The following NUP155 variants were observed in gnomAD, a reference collection of about 807,000 sequenced individuals.
The protein encoded by NUP155 is nuclear pore complex protein Nup155.
A neutral mutation model predicts 180.4 loss-of-function variants in NUP155; 71 were observed. That is an observed-to-expected ratio of 0.39 (90% confidence interval 0.33 to 0.48). The LOEUF (loss-of-function observed/expected upper bound fraction) is 0.48. Among genes scored for constraint, NUP155 ranks in the 20% least tolerant of loss-of-function variants. The pLI, the probability that NUP155 is intolerant of heterozygous loss-of-function variation, is 0.91. For synonymous variants in NUP155, 582 were observed against 559.5 expected (o/e 1.04, Z -0.57); for missense variants, 1,553 against 1,648.9 (o/e 0.94, Z 1.01).
chr5:37,301,577 T>G (rs2150941697), intron 29 of NUP155, 27 bp from the exon 30 acceptor site: 2 of 1,288,612 alleles, frequency 1.6e-6, no homozygotes, highest in Middle Eastern at 1.8e-4. Context: ...ACAGGATGTC[T>G]TAATTTATTT....
In NUP155 at chr5:37,296,853, G is replaced by C. The variant is rs57676330; in HGVS notation, c.3793+2015C>G. Among the ~76,000 whole-genome samples the C allele has an allele frequency of 7.9e-3, 1,203 of 152,022 alleles. 21 individuals are homozygous for C. The highest frequency in any genetic ancestry group is 0.028 in the African/African-American group (1,146 of 41,444). ...TGTGGCCTCATTCTTACTTTTAACT[G>C]CCTATCTTATCATAAACAGTAACAG... On this transcript the variant is annotated intron_variant, in intron 32 of 34. Transcript: ENST00000231498.
rs367892424 is a variant in NUP155 at position 37,350,282 on chromosome 5, G to T, written c.724-17C>A. 1.3e-6 allele frequency: 2 copies of T among 1,545,956 alleles called. No individual in the cohort carries two copies. The highest frequency in any genetic ancestry group is 1.8e-6 in the Non-Finnish European group (2 of 1,118,240). ...TGCTTCAGCCTTAAAGAAAAAAGTA[G>T]AAAGACGACTTATAAAAGTATGTAA... is the stretch of plus-strand genomic sequence containing the variant. On this transcript the variant is annotated splice_polypyrimidine_tract_variant and intron_variant, in intron 6 of 34. Coordinates refer to ENST00000231498, the MANE Select transcript of NUP155 (RefSeq NM_153485.3).
chr5:37,317,046 G>T (rs1181808795), intron 21 of NUP155, among the ~76,000 whole-genome samples: 2 of 151,094 alleles, frequency 1.3e-5, no homozygotes, highest in African/African-American at 4.9e-5. Flanking sequence ...GCGGGCGCCT[G>T]TAGTCCCAGC....
intron 2 of NUP155, 128 bp from the exon 3 acceptor site, chr5:37,364,112 C>A: frequency 9.4e-7 from 1 of 1,067,068 alleles, no homozygotes; most frequent in East Asian, 2.5e-5. Context: ...AACATGGAAC[C>A]CATATACTTA....
rs1561768968 is a variant in NUP155 at position 37,302,905 on chromosome 5, T to C, written c.3321A>G (p.Thr1107=). The C allele has an allele frequency of 5.6e-6, 9 of 1,613,982 alleles. No individual in the cohort carries two copies. Among genetic ancestry groups the C allele is most frequent in the Admixed American group, 1.7e-5 (1 of 59,986 alleles). Residue 1107 remains threonine (T), a synonymous_variant, in exon 29 of 35, where the codon ACA becomes ACG. Transcript: ENST00000231498. ...CTAGTCGCTGCTGAAGTGAAATTTCTGTGCTAGAAGGGAAAACGCTTATTT... is the reference window on the plus strand; with the variant it reads ...CTAGTCGCTGCTGAAGTGAAATTTCCGTGCTAGAAGGGAAAACGCTTATTT... ...VLSRLADMHS[T]EISLQQRLEY... is the part of the protein sequence containing the mutation.
intron 14 of NUP155, 61 bp from the exon 15 acceptor site, chr5:37,330,193 C>T: frequency 8.9e-7 from 1 of 1,129,652 alleles, no homozygotes; most frequent in East Asian, 2.5e-5. Context: ...GATTTGTGTA[C>T]TGCTAGATGC....
At chr5:37,353,677 C>T (rs1245274001) in intron 4 of NUP155, among the ~76,000 whole-genome samples, 1 of 152,092 alleles carries the variant, frequency 6.6e-6, no homozygotes, top group Non-Finnish European at 1.5e-5. Flanking sequence ...ATAAAATGAG[C>T]CAGTCACAAA....
chr5:37,302,140 T>C (rs1447109547), intron 29 of NUP155, among the ~76,000 whole-genome samples: 1 of 152,252 alleles, frequency 6.6e-6, no homozygotes, highest in African/African-American at 2.4e-5. Context: ...TAGCCTACTC[T>C]ACTTCATACA....
intron 3 of NUP155, among the ~76,000 whole-genome samples, chr5:37,360,412 G>A (rs1747123394): frequency 6.6e-6 from 1 of 151,992 alleles, no homozygotes; most frequent in Non-Finnish European, 1.5e-5. Context: ...TTGAACCAGG[G>A]AGGAGAAGGT....
intron 20 of NUP155, among the ~76,000 whole-genome samples, chr5:37,320,025 A>G (rs998775980): frequency 3.3e-5 from 5 of 152,052 alleles, no homozygotes; most frequent in Admixed American, 1.3e-4. Flanking sequence ...TCTGAGAAAA[A>G]TAAGAAAAAA....
rs1380497258 is a variant in NUP155, at chr5:37,291,411, T to G, written c.*489A>C. The G allele has an allele frequency of 6.5e-6, 1 of 152,982 alleles. No individual in the cohort carries two copies. The highest frequency in any genetic ancestry group is 1.5e-5 in the Non-Finnish European group (1 of 68,738). 9.5% of individuals were successfully genotyped at this position (152,982 alleles called of 1,614,324 possible). On this transcript the variant is annotated 3_prime_UTR_variant, in exon 35 of 35. Coordinates refer to ENST00000231498, the MANE Select transcript of NUP155 (RefSeq NM_153485.3). ...CGCCCGCCACCACGCCTGGCTATTT[T>G]TTTTTGTATTTTTAGTAGAGATGGG...
At chr5:37,334,065 C>G (rs777775874) in intron 12 of NUP155, among the ~76,000 whole-genome samples, 3 of 150,684 alleles carry the variant, frequency 2.0e-5, no homozygotes, top group African/African-American at 7.3e-5. Flanking sequence ...CCTCCCAAAG[C>G]GCTGGGATTA....
In NUP155 at chr5:37,293,728, G is replaced by A. The variant is rs1278804562; in HGVS notation, c.3930+601C>T. Among the ~76,000 whole-genome samples the A allele has an allele frequency of 2.4e-5, 3 of 123,030 alleles. 1 individual carries two copies. Among genetic ancestry groups the A allele is most frequent in the Non-Finnish European group, 4.5e-5 (3 of 66,028 alleles). 80.7% of individuals were successfully genotyped at this position (123,030 alleles called of 152,430 possible). On this transcript the variant is annotated intron_variant, in intron 33 of 34. Coordinates refer to ENST00000231498, the MANE Select transcript of NUP155 (RefSeq NM_153485.3). ...CAAATGATGATTCTTGGCCGGGCGC[G>A]GTGGCTCACGCCTGTAATCCCAGCA...
chr5:37,340,618 G>C (rs995163029), intron 11 of NUP155, among the ~76,000 whole-genome samples: 1 of 152,144 alleles, frequency 6.6e-6, no homozygotes, highest in African/African-American at 2.4e-5. Flanking sequence ...CAGACAGTAA[G>C]ATGAAGACAA....
Position 37,352,789 on chromosome 5 carries a change from C to T in NUP155, c.504G>A (p.Ala168=), listed in dbSNP as rs141180231. 6.2e-6 allele frequency: 10 copies of T among 1,613,428 alleles called. No individual in the cohort carries two copies. Among genetic ancestry groups the T allele is most frequent in the South Asian group, 2.2e-5 (2 of 91,032 alleles). Residue 168 remains alanine (A), a synonymous_variant, in exon 5 of 35, where the codon GCG becomes GCA. Transcript: ENST00000231498. ...QPHVRHLLVL[A]TPVDIVILGL... is the part of the protein sequence containing the mutation. Reference sequence around the variant, plus strand: ...CAAGAATTACTATGTCTACAGGGGTCGCCAAAACCAGGAGGTGTCGCACAT... The same window carrying T: ...CAAGAATTACTATGTCTACAGGGGTTGCCAAAACCAGGAGGTGTCGCACAT...
At chr5:37,362,824 C>T (rs887584042) in intron 3 of NUP155, among the ~76,000 whole-genome samples, 8 of 152,064 alleles carry the variant, frequency 5.3e-5, no homozygotes, top group African/African-American at 1.7e-4. Context: ...AAAATTGCTA[C>T]GAAACTTCTA....
chr5:37,358,144 G>C lies in NUP155; in HGVS notation c.400C>G (p.Leu134Val). Residue 134 changes from leucine to valine, a missense_variant, in exon 4 of 35, where the codon CTT becomes GTT. Transcript: ENST00000231498. ...FMWNYEDGGD[L>V]AYFDGLSETI... ...TCACTAAGTCCATCAAAATAGGCAA[G>C]GTCTCCTCTGTGAATAAATGAAGAA... is the stretch of plus-strand genomic sequence containing the variant. The C allele has an allele frequency of 1.2e-6, 2 of 1,611,602 alleles. No homozygotes were observed. The highest frequency in any genetic ancestry group is 1.7e-6 in the Non-Finnish European group (2 of 1,177,874).
chr5:37,357,812 G>A (rs1746940035), intron 4 of NUP155, among the ~76,000 whole-genome samples: 1 of 152,050 alleles, frequency 6.6e-6, no homozygotes, highest in African/African-American at 2.4e-5. Context: ...GGCCAACATG[G>A]CGGAGCCCCG....
At chr5:37,327,225 A>G (rs1744658414) in intron 18 of NUP155, 1 of 273,710 alleles carries the variant, frequency 3.7e-6, no homozygotes, top group Non-Finnish European at 7.1e-6. Context: ...AAGTTAAAAA[A>G]AGAAAACACA....
Sources: allele counts gnomAD v4.1 joint callset (sites outside exome capture counted in the v4.1 genomes callset), GRCh38; gene constraint gnomAD v4.1.1; transcripts MANE v1.5; gene names NCBI Gene and HGNC (gene_info 2026-07-23, HGNC 2026-07-21).